The following LRMDA variants were observed in gnomAD, a reference collection of about 807,000 sequenced individuals.
The protein encoded by LRMDA is leucine rich melanocyte differentiation associated.
A neutral mutation model predicts 29.8 loss-of-function variants in LRMDA; 18 were observed. The observed-to-expected ratio is 0.60, with a 90% CI of 0.42 to 0.90. The LOEUF (loss-of-function observed/expected upper bound fraction) is 0.90, where lower values mean the gene tolerates loss of function less well. LRMDA is among the 40% of genes least tolerant of loss of function. The pLI is 0.00. For synonymous variants in LRMDA, 125 were observed against 109.4 expected (o/e 1.14, Z -0.89); for missense variants, 273 against 273.9 (o/e 1.00, Z 0.02).
At chr10:76,273,196 C>A (rs1840089181) in intron 5 of LRMDA, among the ~76,000 whole-genome samples, 1 of 152,106 alleles carries the variant, frequency 6.6e-6, no homozygotes, top group South Asian at 2.1e-4. Flanking sequence ...CACATGTATC[C>A]CTTCTAGACC....
chr10:75,621,210 ACACACACACACACACC>A (rs1351736275), intron 2 of LRMDA, among the ~76,000 whole-genome samples: 9 of 121,584 alleles, frequency 7.4e-5, no homozygotes, highest in African/African-American at 2.6e-4. Context: ...ACACACACAC[ACACACACACACACACC>A]CACACACCCA....
rs531837668 is a variant in LRMDA at position 76,191,853 on chromosome 10, C to T, written c.517-132548C>T. 3.2e-4 allele frequency among the ~76,000 whole-genome samples: 49 copies of T among 152,256 alleles called. 1 individual carries two copies. Among genetic ancestry groups the T allele is most frequent in the African/African-American group, 1.2e-3 (48 of 41,554 alleles). The stretch of plus-strand genomic sequence containing the variant: ...CACTGGAAACGATCGTTAGAAAAAG[C>T]CTTTTCCCACACAGGCCCTGATCAT... On this transcript the variant is annotated intron_variant, in intron 5 of 6. Transcript: ENST00000611255.
At chr10:76,111,057 T>G (rs775039818) in intron 5 of LRMDA, among the ~76,000 whole-genome samples, 4 of 152,072 alleles carry the variant, frequency 2.6e-5, no homozygotes, top group South Asian at 2.1e-4. Flanking sequence ...GCATGCCACA[T>G]CTGAAATCCC....
chr10:75,680,950 G>A (rs1024034655), intron 2 of LRMDA, among the ~76,000 whole-genome samples: 4 of 152,142 alleles, frequency 2.6e-5, no homozygotes, highest in African/African-American at 9.7e-5. Context: ...GGTGGGCACC[G>A]AGAGAATTAT....
intron 2 of LRMDA, among the ~76,000 whole-genome samples, chr10:75,706,028 A>C (rs1000827787): frequency 2.0e-5 from 3 of 152,214 alleles, no homozygotes; most frequent in African/African-American, 7.2e-5. Context: ...TTCTGGAGGC[A>C]TAACGCTGTA....
At chr10:76,228,489 G>A (rs191332927) in intron 5 of LRMDA, among the ~76,000 whole-genome samples, 6 of 152,240 alleles carry the variant, frequency 3.9e-5, no homozygotes, top group East Asian at 1.9e-4. Flanking sequence ...TAGGATTGGC[G>A]TTTTTCAGAC....
intron 5 of LRMDA, among the ~76,000 whole-genome samples, chr10:76,145,013 T>G (rs1850284805): frequency 6.6e-6 from 1 of 152,238 alleles, no homozygotes; most frequent in Non-Finnish European, 1.5e-5. Context: ...TTGCATATGT[T>G]GAACCAGCCT....
intron 2 of LRMDA, among the ~76,000 whole-genome samples, chr10:75,982,211 A>G (rs978875454): frequency 2.6e-5 from 4 of 152,226 alleles, no homozygotes; most frequent in Non-Finnish European, 4.4e-5. Context: ...GGGGTGAACC[A>G]GAATTTACTG....
chr10:76,173,478 A>G (rs948679365), intron 5 of LRMDA, among the ~76,000 whole-genome samples: 4 of 152,234 alleles, frequency 2.6e-5, no homozygotes, highest in Admixed American at 2.0e-4. Flanking sequence ...ACCAGATAGA[A>G]GGCACAGATT....
At chr10:76,268,016 T>C (rs1459839402) in intron 5 of LRMDA, among the ~76,000 whole-genome samples, 2 of 152,232 alleles carry the variant, frequency 1.3e-5, no homozygotes, top group African/African-American at 4.8e-5. Context: ...AAATGTATCT[T>C]CTACCTCAGC....
intron 5 of LRMDA, among the ~76,000 whole-genome samples, chr10:76,173,811 C>T (rs907208906): frequency 1.3e-5 from 2 of 152,150 alleles, no homozygotes; most frequent in Admixed American, 6.5e-5. Flanking sequence ...CAGGCACGTG[C>T]CACCACACTT....
At chr10:76,541,655 T>C (rs913894200) in intron 6 of LRMDA, among the ~76,000 whole-genome samples, 2 of 152,150 alleles carry the variant, frequency 1.3e-5, no homozygotes, top group African/African-American at 4.8e-5. Flanking sequence ...TGCAGGCTTT[T>C]GTTTTGGCAT....
chr10:75,907,078 T>A (rs1038944344), intron 2 of LRMDA, among the ~76,000 whole-genome samples: 2 of 152,190 alleles, frequency 1.3e-5, no homozygotes, highest in South Asian at 2.1e-4. Context: ...GTTTCTAATG[T>A]ATACGAAAGG....
At chr10:76,179,392 T>C (rs1851002098) in intron 5 of LRMDA, among the ~76,000 whole-genome samples, 1 of 151,316 alleles carries the variant, frequency 6.6e-6, no homozygotes, top group Non-Finnish European at 1.5e-5. Flanking sequence ...GCCTAGAGAG[T>C]GGAGGTGTTT....
At chr10:75,788,886 T>C (rs1843519969) in intron 2 of LRMDA, among the ~76,000 whole-genome samples, 1 of 152,284 alleles carries the variant, frequency 6.6e-6, no homozygotes, top group Admixed American at 6.5e-5. Context: ...TTGTTAACTC[T>C]TGTCTCCTTT....
At chr10:76,005,517 A>G (rs1847634774) in intron 2 of LRMDA, among the ~76,000 whole-genome samples, 1 of 152,158 alleles carries the variant, frequency 6.6e-6, no homozygotes, top group Non-Finnish European at 1.5e-5. Context: ...TGAGGCTGAG[A>G]CGGGAGGAGC....
chr10:76,325,421 T>C (rs1372149913), intron 6 of LRMDA, among the ~76,000 whole-genome samples: 1 of 152,222 alleles, frequency 6.6e-6, no homozygotes. Context: ...AAATATACTT[T>C]AGTTAATTTT....
At chr10:76,118,689 T>C (rs2132121877) in intron 5 of LRMDA, among the ~76,000 whole-genome samples, 1 of 152,216 alleles carries the variant, frequency 6.6e-6, no homozygotes, top group South Asian at 2.1e-4. Flanking sequence ...AAGCCCAGGG[T>C]ACCAAGCCCT....
At chr10:76,050,136 T>C (rs546982962) in intron 4 of LRMDA, among the ~76,000 whole-genome samples, 1 of 152,238 alleles carries the variant, frequency 6.6e-6, no homozygotes, top group Non-Finnish European at 1.5e-5. Context: ...TGTCTGTTGT[T>C]TCATTTCCAT....
Sources: allele counts gnomAD v4.1 joint callset (sites outside exome capture counted in the v4.1 genomes callset), GRCh38; gene constraint gnomAD v4.1.1; transcripts MANE v1.5; gene names NCBI Gene and HGNC (gene_info 2026-07-23, HGNC 2026-07-21).